Variants in WDR59 observed in about 807,000 individuals in gnomAD.
WDR59 encodes WD repeat domain 59.
A neutral mutation model predicts 131.2 loss-of-function variants in WDR59; 100 were observed. The ratio of observed to expected loss-of-function variants is 0.76; its 90% CI spans 0.65 to 0.90. The LOEUF (loss-of-function observed/expected upper bound fraction) is 0.90, where lower values mean the gene tolerates loss of function less well. WDR59 is among the 40% of genes least tolerant of loss of function. The pLI, the probability that WDR59 is intolerant of heterozygous loss-of-function variation, is 0.00. For synonymous variants in WDR59, 601 were observed against 466.2 expected (o/e 1.29, Z -3.72); for missense variants, 1,203 against 1,262.2 (o/e 0.95, Z 0.71).
In WDR59 at chr16:74,874,265, G is replaced by A; in HGVS notation, c.2869C>T (p.Gln957Ter). ...TSHMMEWFRT[Q>*]EVCPTGCGCH... The stretch of plus-strand genomic sequence containing the variant: ...CCACACCCGGTGGGACACACCTCCT[G>A]GGTCCGAAACCACTCCATCATGTGG... Residue 957 changes from glutamine (Q) to a stop codon, truncating the protein, a stop_gained, in exon 26 of 26, where the codon CAG becomes TAG. Coordinates refer to ENST00000262144, the MANE Select transcript of WDR59 (RefSeq NM_030581.4). LOFTEE classifies it high-confidence loss of function. The A allele has an allele frequency of 2.5e-6, 4 of 1,614,190 alleles. No homozygotes were observed. The highest frequency in any genetic ancestry group is 3.4e-6 in the Non-Finnish European group (4 of 1,180,042).
chr16:74,973,562 C>T, intron 1 of WDR59, among the ~76,000 whole-genome samples: 1 of 151,862 alleles, frequency 6.6e-6, no homozygotes, highest in South Asian at 2.1e-4. Context: ...GCTAAGATTA[C>T]AAGGCGTGAG....
rs1359877769 is a variant in WDR59, at chr16:74,893,745, C to T, written c.1934G>A (p.Gly645Glu). The part of the protein sequence containing the change: ...DSGNRQIKAA[G>E]KVIIQDIACL... ...AGCAATATCCTGGATGATGACTTTC[C>T]CAGCAGCCTTGATCTGTCGATTGCC... The change falls in exon 19 of 26, where the codon GGG becomes GAG. Residue 645 changes from glycine to glutamate, a missense_variant. By Grantham distance (98) the Gly-to-Glu change is moderately conservative (BLOSUM62 -2). Coordinates refer to ENST00000262144, the MANE Select transcript of WDR59 (RefSeq NM_030581.4). The T allele has an allele frequency of 2.5e-6, 4 of 1,614,064 alleles. No homozygotes were observed. The highest frequency in any genetic ancestry group is 3.4e-6 in the Non-Finnish European group (4 of 1,180,026).
intron 2 of WDR59, among the ~76,000 whole-genome samples, chr16:74,962,279 T>C (rs1341240072): frequency 6.6e-6 from 1 of 152,160 alleles, no homozygotes; most frequent in African/African-American, 2.4e-5. Flanking sequence ...CAGGCTCTTT[T>C]TGGGTTCCGT....
At chr16:74,919,078 A>C (rs1206702929) in intron 10 of WDR59, among the ~76,000 whole-genome samples, 2 of 152,062 alleles carry the variant, frequency 1.3e-5, no homozygotes, top group Non-Finnish European at 1.5e-5. Context: ...TCCTTTCTAA[A>C]TGTTATAAAT....
rs750189092 is a variant in WDR59 at position 74,873,984 on chromosome 16, C to A, written c.*225G>T. On this transcript the variant is annotated 3_prime_UTR_variant, in exon 26 of 26. Coordinates refer to ENST00000262144, the MANE Select transcript of WDR59 (RefSeq NM_030581.4). ...CATAGACAACACACAAAGCGCAGCT[C>A]TGCACTTCTGTCCTTATCTTCACAC... The A allele has an allele frequency of 1.8e-6, 1 of 560,912 alleles. No homozygotes were observed. The highest frequency in any genetic ancestry group is 3.2e-6 in the Non-Finnish European group (1 of 312,798). 34.7% of individuals were successfully genotyped at this position (560,912 alleles called of 1,614,324 possible).
In WDR59 at chr16:74,954,809, T is replaced by A. The variant is rs1597791194; in HGVS notation, c.240+1666A>T. ...AAAGGAATGAAGTTCTGATACCTGC[T>A]ATAACATGGATGAACTTCAAAACAT... On this transcript the variant is annotated intron_variant, in intron 3 of 25. Coordinates refer to ENST00000262144, the MANE Select transcript of WDR59 (RefSeq NM_030581.4). Among the ~76,000 whole-genome samples the A allele has an allele frequency of 2.0e-5, 3 of 152,340 alleles. No homozygotes were observed. The South Asian group carries it at 6.2e-4, about 32-fold the overall frequency.
chr16:74,927,430 A>G (rs1597729901), intron 8 of WDR59, among the ~76,000 whole-genome samples: 1 of 152,024 alleles, frequency 6.6e-6, no homozygotes, highest in East Asian at 1.9e-4. Flanking sequence ...TCTACTAAAA[A>G]TACACAAATT....
chr16:74,886,177 C>CAAAAAAAAAAAAAAAAAA lies in WDR59; in HGVS notation c.2546+92_2546+93insTTTTTTTTTTTTTTTTTT, dbSNP rs777732079. 900 of 1,018,068 alleles carry CAAAAAAAAAAAAAAAAAA rather than the reference C, an allele frequency of 8.8e-4. 16 individuals are homozygous for CAAAAAAAAAAAAAAAAAA. The highest frequency in any genetic ancestry group is 3.0e-3 in the African/African-American group (150 of 50,614). The allele number at this position is 1,018,068 out of a possible 1,614,324, so 63.1% of individuals were successfully genotyped here. A position where few individuals can be genotyped will look rare whatever the true frequency, so the allele number is the denominator to read the frequency against. The stretch of plus-strand genomic sequence containing the variant: ...TAGTGACCGGGTAAGATTCTGTGTC[C>CAAAAAAAAAAAAAAAAAA]AAAAAAAAAAAAAGTAAGAGTTGTG... On this transcript the variant is annotated intron_variant, in intron 24 of 25. Coordinates refer to ENST00000262144, the MANE Select transcript of WDR59 (RefSeq NM_030581.4).
chr16:74,953,554 G>A (rs978635798), intron 3 of WDR59, among the ~76,000 whole-genome samples: 6 of 151,612 alleles, frequency 4.0e-5, no homozygotes, highest in Non-Finnish European at 7.4e-5. Context: ...AAGCTTTTGT[G>A]CATCAAAGAA....
intron 1 of WDR59, among the ~76,000 whole-genome samples, chr16:74,982,449 G>T (rs2034464060): frequency 6.6e-6 from 1 of 152,140 alleles, no homozygotes; most frequent in Admixed American, 6.6e-5. Context: ...TTAATTATTT[G>T]CTACGACTTC....
At chr16:74,946,296 G>A (rs113849943) in intron 6 of WDR59, among the ~76,000 whole-genome samples, 5 of 152,312 alleles carry the variant, frequency 3.3e-5, no homozygotes, top group African/African-American at 1.2e-4. Flanking sequence ...GGCATCCAAT[G>A]GGGGTCTTGG....
chr16:74,888,528 T>C (rs540252659), intron 21 of WDR59, among the ~76,000 whole-genome samples: 41 of 152,330 alleles, frequency 2.7e-4, no homozygotes, highest in African/African-American at 9.9e-4. Context: ...ATATAAGGCA[T>C]CCACGTACTA....
chr16:74,972,043 C>G (rs532060266), intron 1 of WDR59, among the ~76,000 whole-genome samples: 8 of 152,300 alleles, frequency 5.3e-5, no homozygotes, highest in African/African-American at 1.9e-4. Flanking sequence ...AAGTCCTCCT[C>G]AATTGTAGGA....
chr16:74,958,194 A>G (rs1197129669), intron 2 of WDR59, among the ~76,000 whole-genome samples: 3 of 152,168 alleles, frequency 2.0e-5, no homozygotes, highest in Non-Finnish European at 2.9e-5. Flanking sequence ...ATTTTCCCCA[A>G]TGCTCCACTA....
intron 18 of WDR59, among the ~76,000 whole-genome samples, chr16:74,896,189 T>C (rs1965288941): frequency 6.6e-6 from 1 of 152,094 alleles, no homozygotes; most frequent in African/African-American, 2.4e-5. Context: ...AAAACACCGA[T>C]CCAGGCAGTC....
intron 2 of WDR59, among the ~76,000 whole-genome samples, chr16:74,957,960 C>A (rs2033370921): frequency 6.6e-6 from 1 of 152,188 alleles, no homozygotes; most frequent in South Asian, 2.1e-4. Context: ...AAGTGCAGAA[C>A]AAATATCACA....
intron 18 of WDR59, among the ~76,000 whole-genome samples, chr16:74,894,212 G>A (rs1234454152): frequency 6.6e-6 from 1 of 152,120 alleles, no homozygotes; most frequent in Non-Finnish European, 1.5e-5. Context: ...TTTTTCCTTA[G>A]GCAGTTTGAA....
chr16:74,953,244 G>T (rs2033103577), intron 3 of WDR59, among the ~76,000 whole-genome samples: 1 of 152,170 alleles, frequency 6.6e-6, no homozygotes, highest in Non-Finnish European at 1.5e-5. Flanking sequence ...AGCTGAGGCA[G>T]GGGGATCGCT....
At chr16:74,951,992 T>G (rs558671938) in intron 3 of WDR59, among the ~76,000 whole-genome samples, 6 of 151,976 alleles carry the variant, frequency 3.9e-5, no homozygotes, top group Non-Finnish European at 7.4e-5. Flanking sequence ...GTTTTTGTTT[T>G]TTTTTTTTTC....
Sources: gnomAD v4.1 joint callset for allele counts (sites outside exome capture counted in the v4.1 genomes callset) on GRCh38, gnomAD v4.1.1 for gene constraint, MANE v1.5 for transcripts, NCBI Gene and HGNC (gene_info 2026-07-23, HGNC 2026-07-21) for gene names.